The following GALNT10 variants were observed in gnomAD, a reference collection of about 807,000 sequenced individuals.
The protein encoded by GALNT10 is GalNAc transferase 10.
A neutral mutation model predicts 75.0 loss-of-function variants in GALNT10; 41 were observed. The observed-to-expected ratio is 0.55, with a 90% CI of 0.43 to 0.71. The LOEUF (loss-of-function observed/expected upper bound fraction) is 0.71, where lower values mean the gene tolerates loss of function less well. Ranked by LOEUF, GALNT10 falls within the 30% of genes least tolerant of loss-of-function variation. The probability of loss-of-function intolerance (pLI) is 0.00; values close to 1 mark genes in which losing one functional copy is unlikely to be tolerated. For missense variants in GALNT10, 727 were observed against 818.5 expected, an observed-to-expected ratio of 0.89 and a Z score of 1.36; for synonymous variants, 302 against 313.0, an observed-to-expected ratio of 0.96 and a Z score of 0.37.
Position 154,380,651 on chromosome 5 carries a change from G to A in GALNT10, c.938+20G>A, listed in dbSNP as rs1272590839. 5 of 1,578,308 alleles carry A rather than the reference G, an allele frequency of 3.2e-6. No homozygotes were observed. In the Middle Eastern group the frequency reaches 7.0e-4, roughly 220 times the overall value. ...ATTTGAGTAAGTATGAACAACCCTGGCTGGTCCCAGTGGCTACCCAGTGAC... is the reference window on the plus strand; with the variant it reads ...ATTTGAGTAAGTATGAACAACCCTGACTGGTCCCAGTGGCTACCCAGTGAC... On this transcript the variant is annotated intron_variant, in intron 6 of 11. Coordinates refer to ENST00000297107, the MANE Select transcript of GALNT10 (RefSeq NM_198321.4).
intron 8 of GALNT10, among the ~76,000 whole-genome samples, chr5:154,404,903 A>T (rs959507572): frequency 2.0e-5 from 3 of 152,204 alleles, no homozygotes; most frequent in African/African-American, 7.2e-5. Context: ...TCATTGCTTC[A>T]ATTAAATTGG....
At chr5:154,351,031 A>T (rs571504926) in intron 4 of GALNT10, among the ~76,000 whole-genome samples, 1 of 152,356 alleles carries the variant, frequency 6.6e-6, no homozygotes, top group South Asian at 2.1e-4. Context: ...GTTGTAGAAG[A>T]AACTTTGATG....
chr5:154,222,109 C>T (rs1357991433), intron 1 of GALNT10, among the ~76,000 whole-genome samples: 7 of 152,128 alleles, frequency 4.6e-5, no homozygotes, highest in African/African-American at 1.7e-4. Context: ...CTTTGTGCCC[C>T]TTTGTTACCC....
chr5:154,232,800 A>C (rs1178019948), intron 1 of GALNT10, among the ~76,000 whole-genome samples: 1 of 152,240 alleles, frequency 6.6e-6, no homozygotes, highest in East Asian at 1.9e-4. Context: ...GAGTAGCTAC[A>C]ACTTGTTTTC....
chr5:154,322,471 C>T (rs144062730), intron 3 of GALNT10, among the ~76,000 whole-genome samples: 1 of 152,254 alleles, frequency 6.6e-6, no homozygotes, highest in African/African-American at 2.4e-5. Flanking sequence ...ATAATCCTGG[C>T]TCCTCAAACC....
rs967829100 is a variant in GALNT10, at chr5:154,263,123, T to G, written c.160-31693T>G. ...AAAGGTTAAACACACAGTGACCATA[T>G]GACCCAGCAGTCCCACTCCTAGGTA... On this transcript the variant is annotated intron_variant, in intron 1 of 11. Transcript: ENST00000297107. Among the ~76,000 whole-genome samples the G allele has an allele frequency of 2.0e-5, 3 of 152,162 alleles. No individual in the cohort carries two copies. In the South Asian group the frequency reaches 6.2e-4, roughly 32 times the overall value.
At chr5:154,334,736 T>C (rs62379899) in intron 4 of GALNT10, among the ~76,000 whole-genome samples, 10,986 of 152,252 alleles carry the variant, frequency 0.072, 426 homozygotes, top group Middle Eastern at 0.12. Flanking sequence ...CAAACACATG[T>C]AGGAAATGGT....
At chr5:154,267,540 C>T (rs557444088) in intron 1 of GALNT10, among the ~76,000 whole-genome samples, 1 of 152,280 alleles carries the variant, frequency 6.6e-6, no homozygotes, top group South Asian at 2.1e-4. Context: ...CCCTAGGGCC[C>T]ATGTCTTGCT....
intron 1 of GALNT10, among the ~76,000 whole-genome samples, chr5:154,224,578 T>C (rs774290685): frequency 1.3e-5 from 2 of 152,210 alleles, no homozygotes; most frequent in Non-Finnish European, 2.9e-5. Context: ...TTTATACTAT[T>C]TGTACATTTA....
intron 1 of GALNT10, among the ~76,000 whole-genome samples, chr5:154,200,309 G>C (rs2113641480): frequency 6.6e-6 from 1 of 152,304 alleles, no homozygotes; most frequent in Middle Eastern, 3.4e-3. Flanking sequence ...CTGTGTGTGT[G>C]TGTTTGTGTA....
intron 4 of GALNT10, among the ~76,000 whole-genome samples, chr5:154,343,990 C>T (rs746227403): frequency 6.6e-6 from 1 of 152,114 alleles, no homozygotes; most frequent in Non-Finnish European, 1.5e-5. Flanking sequence ...ATGGCTGCCT[C>T]TGTGCTCCTG....
chr5:154,407,764 G>C (rs1182651783), intron 8 of GALNT10, among the ~76,000 whole-genome samples: 1 of 152,148 alleles, frequency 6.6e-6, no homozygotes, highest in Non-Finnish European at 1.5e-5. Context: ...TTCTGTGCAG[G>C]GGCCTGGTGG....
intron 4 of GALNT10, among the ~76,000 whole-genome samples, chr5:154,346,832 C>T (rs1332678748): frequency 6.6e-6 from 1 of 152,036 alleles, no homozygotes; most frequent in African/African-American, 2.4e-5. Flanking sequence ...TGAGCTAGTA[C>T]TTAACCTCTC....
chr5:154,197,815 AAAG>A (rs1476974488), intron 1 of GALNT10, among the ~76,000 whole-genome samples: 4 of 152,306 alleles, frequency 2.6e-5, no homozygotes, highest in African/African-American at 9.6e-5. Flanking sequence ...ACCAGGTAGG[AAAG>A]AAGGAGGGAA....
intron 1 of GALNT10, among the ~76,000 whole-genome samples, chr5:154,197,137 G>T (rs1338002019): frequency 6.9e-6 from 1 of 144,946 alleles, no homozygotes; most frequent in East Asian, 1.9e-4. Flanking sequence ...AGGACGGCTT[G>T]GGTGCAAATG....
At chr5:154,345,481 A>G (rs567496809) in intron 4 of GALNT10, among the ~76,000 whole-genome samples, 12 of 152,112 alleles carry the variant, frequency 7.9e-5, no homozygotes, top group Admixed American at 7.9e-4. Flanking sequence ...GGAAATCACC[A>G]TTCTGCTCTG....
At chr5:154,232,615 A>G (rs1468784075) in intron 1 of GALNT10, among the ~76,000 whole-genome samples, 1 of 152,238 alleles carries the variant, frequency 6.6e-6, no homozygotes, top group Non-Finnish European at 1.5e-5. Flanking sequence ...TATGAGGGTC[A>G]GGTTGTGATC....
chr5:154,258,387 T>A (rs1012916594), intron 1 of GALNT10, among the ~76,000 whole-genome samples: 9 of 152,208 alleles, frequency 5.9e-5, no homozygotes, highest in Admixed American at 5.9e-4. Context: ...ATAGTCAAAC[T>A]TTTTTAAATG....
chr5:154,313,555 T>C (rs1754555838), intron 3 of GALNT10, among the ~76,000 whole-genome samples: 1 of 152,212 alleles, frequency 6.6e-6, no homozygotes, highest in Non-Finnish European at 1.5e-5. Context: ...TTCTTAGCTG[T>C]CTGTTGAACA....
Sources: gnomAD v4.1 joint callset for allele counts (sites outside exome capture counted in the v4.1 genomes callset) on GRCh38, gnomAD v4.1.1 for gene constraint, MANE v1.5 for transcripts, NCBI Gene and HGNC (gene_info 2026-07-23, HGNC 2026-07-21) for gene names.